IL7: variants seen among roughly 807,000 people sequenced by gnomAD.
The protein encoded by IL7 is interleukin 7.
In IL7, 3 loss-of-function variants were observed where a neutral mutation model predicts 21.6. That is an observed-to-expected ratio of 0.14 (90% CI 0.06 to 0.36). IL7 has a LOEUF of 0.36. Ranked by LOEUF, IL7 falls within the 10% of genes least tolerant of loss-of-function variation. IL7 has a pLI of 1.00. For synonymous variants in IL7, 62 were observed against 68.1 expected (o/e 0.91, Z 0.44); for missense variants, 175 against 200.2 (o/e 0.87, Z 0.76).
chr8:78,723,221 G>A (rs1218507161), intron 3 of IL7, among the ~76,000 whole-genome samples: 1 of 151,396 alleles, frequency 6.6e-6, no homozygotes, highest in African/African-American at 2.4e-5. Flanking sequence ...CAATCTTCAT[G>A]CTATATATAG....
chr8:78,761,191 A>G (rs1812543363), intron 2 of IL7: 10 of 1,592,310 alleles, frequency 6.3e-6, no homozygotes, highest in Non-Finnish European at 8.5e-6. Flanking sequence ...CCCTTTCTTT[A>G]CTGTTCTGAA....
intron 2 of IL7, among the ~76,000 whole-genome samples, chr8:78,753,876 C>A (rs762418255): frequency 2.0e-5 from 3 of 151,914 alleles, no homozygotes; most frequent in Non-Finnish European, 2.9e-5. Flanking sequence ...TCAAAGATGG[C>A]TGTAGATGTG....
chr8:78,801,958 C>T (rs191572327), intron 1 of IL7, among the ~76,000 whole-genome samples: 58 of 152,292 alleles, frequency 3.8e-4, no homozygotes, highest in African/African-American at 1.4e-3. Context: ...ATTGTTGTCA[C>T]ACCCACACTC....
At chr8:78,714,953 A>T (rs1356833391), downstream of IL7, among the ~76,000 whole-genome samples, 1 of 152,190 alleles carries the variant, frequency 6.6e-6, no homozygotes, top group Non-Finnish European at 1.5e-5. Flanking sequence ...TTTCAGAATG[A>T]TTACCTTATA....
chr8:78,715,238 G>A (rs775645554), downstream of IL7: 28 of 1,613,408 alleles, frequency 1.7e-5, no homozygotes, highest in East Asian at 2.2e-5. Context: ...GTCAAACCCC[G>A]AAATTCCACA....
chr8:78,773,843 C>A (rs981384980), intron 2 of IL7, among the ~76,000 whole-genome samples: 4 of 152,074 alleles, frequency 2.6e-5, no homozygotes, highest in Non-Finnish European at 5.9e-5. Context: ...ATGGGAGAAA[C>A]ACAGTGTGAG....
intron 2 of IL7, among the ~76,000 whole-genome samples, chr8:78,752,726 T>C (rs1373812295): frequency 6.6e-6 from 1 of 152,144 alleles, no homozygotes; most frequent in East Asian, 1.9e-4. Flanking sequence ...GTATCTCTCT[T>C]AATGCTATCT....
intron 1 of IL7, among the ~76,000 whole-genome samples, chr8:78,804,387 G>T (rs1001609268): frequency 1.5e-4 from 23 of 152,202 alleles, no homozygotes; most frequent in African/African-American, 5.3e-4. Flanking sequence ...GAAACTCCCA[G>T]TCTTACTCAG....
At chr8:78,793,298 A>C (rs1813754698) in intron 2 of IL7, among the ~76,000 whole-genome samples, 1 of 152,090 alleles carries the variant, frequency 6.6e-6, no homozygotes, top group South Asian at 2.1e-4. Context: ...AATGATGAAA[A>C]TATTCTAGAA....
At chr8:78,714,891 G>A (rs1205072280), downstream of IL7, among the ~76,000 whole-genome samples, 1 of 151,996 alleles carries the variant, frequency 6.6e-6, no homozygotes, top group Non-Finnish European at 1.5e-5. Flanking sequence ...GCATTTATCA[G>A]AATATATGTT....
intron 2 of IL7, among the ~76,000 whole-genome samples, chr8:78,762,654 T>A (rs1812616206): frequency 1.2e-5 from 1 of 80,530 alleles, no homozygotes; most frequent in African/African-American, 1.1e-4. Context: ...CCCAATGCAT[T>A]TTTTTTTTTC....
At chr8:78,779,650 C>G (rs117946429) in intron 2 of IL7, among the ~76,000 whole-genome samples, 36 of 151,746 alleles carry the variant, frequency 2.4e-4, no homozygotes, top group Admixed American at 3.9e-4. Context: ...AGTATTTTAC[C>G]GAAGATTTTT....
intron 2 of IL7, among the ~76,000 whole-genome samples, chr8:78,750,627 T>G (rs1563420030): frequency 1.3e-5 from 2 of 152,022 alleles, no homozygotes; most frequent in Admixed American, 6.6e-5. Flanking sequence ...ATCGAGACCA[T>G]CCTGGCTAAC....
chr8:78,795,111 A>G (rs188928867), intron 2 of IL7, among the ~76,000 whole-genome samples: 4 of 152,178 alleles, frequency 2.6e-5, no homozygotes, highest in Admixed American at 2.0e-4. Context: ...GGAGGTAGTA[A>G]GAGTGTCTTT....
intron 4 of IL7, among the ~76,000 whole-genome samples, chr8:78,683,314 C>T (rs1274696754): frequency 6.6e-6 from 1 of 152,256 alleles, no homozygotes; most frequent in Non-Finnish European, 1.5e-5. Context: ...GCCCCTGAAA[C>T]AAACTTCTTC....
intron 5 of IL7, among the ~76,000 whole-genome samples, chr8:78,734,089 A>G (rs2130660137): frequency 1.3e-5 from 2 of 152,330 alleles, no homozygotes; most frequent in Middle Eastern, 3.4e-3. Flanking sequence ...TCACAGTTTA[A>G]CAGTGGACAT....
chr8:78,782,582 T>C (rs1813373556), intron 2 of IL7, among the ~76,000 whole-genome samples: 1 of 152,156 alleles, frequency 6.6e-6, no homozygotes, highest in South Asian at 2.1e-4. Context: ...GATGGCTTAC[T>C]GCTCCTTCCT....
chr8:78,697,430 G>A (rs1810460515), intron 3 of IL7: 1 of 1,601,276 alleles, frequency 6.2e-7, no homozygotes, highest in African/African-American at 1.4e-5. Flanking sequence ...CACTTAAAAA[G>A]TCAAATTCTC....
intron 3 of IL7, among the ~76,000 whole-genome samples, chr8:78,726,950 C>G (rs528953477): frequency 4.6e-5 from 7 of 152,006 alleles, no homozygotes; most frequent in African/African-American, 1.7e-4. Flanking sequence ...CTCAATAGAA[C>G]TTTCATATAT....
Sources: allele counts gnomAD v4.1 joint callset (sites outside exome capture counted in the v4.1 genomes callset), GRCh38; gene constraint gnomAD v4.1.1; transcripts MANE v1.5; gene names NCBI Gene and HGNC (gene_info 2026-07-23, HGNC 2026-07-21).